The following MYRIP variants were observed in gnomAD, a reference collection of about 807,000 sequenced individuals.
The protein encoded by MYRIP is rab effector MyRIP.
In MYRIP, 49 loss-of-function variants were observed where a neutral mutation model predicts 98.0. That is an observed-to-expected ratio of 0.50 (90% CI 0.40 to 0.63). The LOEUF is 0.63. Among genes scored for constraint, MYRIP ranks in the 30% least tolerant of loss-of-function variants. MYRIP has a pLI of 0.00. For synonymous variants in MYRIP, 404 were observed against 409.5 expected, an observed-to-expected ratio of 0.99 and a Z score of 0.16; for missense variants, 1,004 against 1,058.2, an observed-to-expected ratio of 0.95 and a Z score of 0.71.
chr3:40,222,286 G>A (rs1338302393), intron 11 of MYRIP, among the ~76,000 whole-genome samples: 1 of 152,094 alleles, frequency 6.6e-6, no homozygotes, highest in Non-Finnish European at 1.5e-5. Flanking sequence ...ATATGAAGGT[G>A]GCAACTTGTC....
chr3:40,188,551 G>T (rs1293234162), intron 9 of MYRIP, among the ~76,000 whole-genome samples: 1 of 152,290 alleles, frequency 6.6e-6, no homozygotes, highest in South Asian at 2.1e-4. Context: ...GCTGAGGCGG[G>T]TGGATCACCT....
At chr3:40,213,189 C>T (rs1392428409) in intron 11 of MYRIP, among the ~76,000 whole-genome samples, 3 of 152,104 alleles carry the variant, frequency 2.0e-5, no homozygotes, top group Non-Finnish European at 4.4e-5. Context: ...GTCTGTCTTG[C>T]TTTTTAATTG....
intron 3 of MYRIP, among the ~76,000 whole-genome samples, chr3:40,051,734 T>C (rs1250998964): frequency 6.6e-6 from 1 of 152,150 alleles, no homozygotes; most frequent in African/African-American, 2.4e-5. Flanking sequence ...GCTTTGGTTT[T>C]TCTAAGAAAA....
intron 1 of MYRIP, among the ~76,000 whole-genome samples, chr3:39,894,051 C>T (rs374387575): frequency 1.3e-4 from 20 of 152,118 alleles, no homozygotes; most frequent in Admixed American, 2.6e-4. Flanking sequence ...TTGCATCATA[C>T]GAAATTTTAT....
chr3:40,084,062 G>T (rs113657787), intron 3 of MYRIP, among the ~76,000 whole-genome samples: 1 of 132,704 alleles, frequency 7.5e-6, no homozygotes, highest in African/African-American at 2.8e-5. Context: ...GCGTGAACCC[G>T]GGAGGCGGAA....
chr3:39,992,445 T>A lies in MYRIP; in HGVS notation c.111-51605T>A, dbSNP rs1392006691. Among the ~76,000 whole-genome samples the A allele has an allele frequency of 2.0e-5, 3 of 152,208 alleles. 1 individual carries two copies. The highest frequency in any genetic ancestry group is 2.0e-4 in the Admixed American group (3 of 15,286). On this transcript the variant is annotated intron_variant, in intron 2 of 16. Coordinates refer to ENST00000302541, the MANE Select transcript of MYRIP (RefSeq NM_015460.4). ...TCTGCCTCTCCCCCAAGGGCACAGC[T>A]ACCTTGCAGCTTTTTCAAATAGTGG... is the stretch of plus-strand genomic sequence containing the variant.
At chr3:40,131,379 T>C (rs2125918514) in intron 3 of MYRIP, among the ~76,000 whole-genome samples, 1 of 152,370 alleles carries the variant, frequency 6.6e-6, no homozygotes, top group East Asian at 1.9e-4. Flanking sequence ...GCCAATATTG[T>C]AATAGGTGCT....
chr3:40,150,089 T>A (rs1397581481), intron 3 of MYRIP, among the ~76,000 whole-genome samples: 3 of 152,106 alleles, frequency 2.0e-5, no homozygotes, highest in South Asian at 2.1e-4. Flanking sequence ...TCTTTTTTTT[T>A]TTATTTATTT....
At chr3:40,253,379 C>T (rs1411487358) in intron 16 of MYRIP, among the ~76,000 whole-genome samples, 1 of 152,152 alleles carries the variant, frequency 6.6e-6, no homozygotes, top group Non-Finnish European at 1.5e-5. Context: ...TATGAAGGTT[C>T]AGCTGTCTCT....
At chr3:39,959,623 G>A (rs1187345577) in intron 2 of MYRIP, among the ~76,000 whole-genome samples, 3 of 151,252 alleles carry the variant, frequency 2.0e-5, no homozygotes, top group Non-Finnish European at 4.4e-5. Context: ...GTATACATAT[G>A]TAACAAACCT....
intron 2 of MYRIP, among the ~76,000 whole-genome samples, chr3:39,918,155 C>G (rs1350520340): frequency 6.6e-6 from 1 of 152,142 alleles, no homozygotes; most frequent in African/African-American, 2.4e-5. Context: ...ACCTCGTGAT[C>G]CACCCGCCTC....
chr3:39,813,199 AGCCCTG>A (rs1368586947), intron 1 of MYRIP, among the ~76,000 whole-genome samples: 1 of 152,216 alleles, frequency 6.6e-6, no homozygotes, highest in Non-Finnish European at 1.5e-5. Flanking sequence ...AAGAATACAT[AGCCCTG>A]GCTGTAGCCA....
intron 3 of MYRIP, among the ~76,000 whole-genome samples, chr3:40,115,782 T>C (rs1411612561): frequency 6.6e-6 from 1 of 151,890 alleles, no homozygotes; most frequent in Non-Finnish European, 1.5e-5. Flanking sequence ...TCCCAGTCCC[T>C]GGTTCACAGT....
intron 2 of MYRIP, among the ~76,000 whole-genome samples, chr3:39,911,507 C>A (rs564690450): frequency 9.8e-5 from 15 of 152,312 alleles, no homozygotes; most frequent in Non-Finnish European, 1.6e-4. Context: ...CCTGATAAAG[C>A]TTTTGTGGCC....
intron 10 of MYRIP, among the ~76,000 whole-genome samples, chr3:40,208,724 C>T (rs1395496929): frequency 6.6e-6 from 1 of 152,214 alleles, no homozygotes; most frequent in Non-Finnish European, 1.5e-5. Context: ...CTCAGAGTCC[C>T]TTCCGCAGGG....
chr3:39,881,367 G>A (rs1943151802), intron 1 of MYRIP, among the ~76,000 whole-genome samples: 1 of 152,130 alleles, frequency 6.6e-6, no homozygotes, highest in African/African-American at 2.4e-5. Flanking sequence ...GGAGATTGGG[G>A]TTCACCATAG....
chr3:40,021,571 GAC>G (rs1388815878), intron 2 of MYRIP, among the ~76,000 whole-genome samples: 1 of 152,198 alleles, frequency 6.6e-6, no homozygotes, highest in Non-Finnish European at 1.5e-5. Context: ...AGAGCGTGAT[GAC>G]AGTTTCATTT....
chr3:40,035,359 G>C (rs1182618858), intron 2 of MYRIP, among the ~76,000 whole-genome samples: 6 of 152,056 alleles, frequency 3.9e-5, no homozygotes, highest in African/African-American at 1.4e-4. Flanking sequence ...AGAAACAGAT[G>C]TGAAGCTGTT....
chr3:40,230,857 G>A (rs1008752825), intron 11 of MYRIP, among the ~76,000 whole-genome samples: 2 of 146,644 alleles, frequency 1.4e-5, no homozygotes, highest in African/African-American at 2.5e-5. Flanking sequence ...GCGGAATTTC[G>A]CTCTTGTTGC....
Sources: gnomAD v4.1 joint callset for allele counts (sites outside exome capture counted in the v4.1 genomes callset) on GRCh38, gnomAD v4.1.1 for gene constraint, MANE v1.5 for transcripts, NCBI Gene and HGNC (gene_info 2026-07-23, HGNC 2026-07-21) for gene names.